EXOC4: variants seen among roughly 807,000 people sequenced by gnomAD.
The protein encoded by EXOC4 is exocyst complex component 4, also known as SEC8-like 1.
A neutral mutation model predicts 107.2 loss-of-function variants in EXOC4; 71 were observed. The ratio of observed to expected loss-of-function variants is 0.66; its 90% CI spans 0.55 to 0.81. The LOEUF (loss-of-function observed/expected upper bound fraction) is 0.81, where lower values mean the gene tolerates loss of function less well. EXOC4 is among the 30% of genes least tolerant of loss of function. The probability of loss-of-function intolerance (pLI) is 0.00; values close to 1 mark genes in which losing one functional copy is unlikely to be tolerated. For synonymous variants in EXOC4, 456 were observed against 441.2 expected, an observed-to-expected ratio of 1.03 and a Z score of -0.42; for missense variants, 1,108 against 1,189.6, an observed-to-expected ratio of 0.93 and a Z score of 1.01.
chr7:134,021,542 T>C (rs1022025152), intron 17 of EXOC4, among the ~76,000 whole-genome samples: 36 of 152,284 alleles, frequency 2.4e-4, no homozygotes, highest in Middle Eastern at 3.4e-3. Flanking sequence ...GGAAAGGTTT[T>C]ATTCAGATCA....
chr7:134,014,247 C>CA (rs1167360227), intron 17 of EXOC4, among the ~76,000 whole-genome samples: 1 of 151,902 alleles, frequency 6.6e-6, no homozygotes, highest in East Asian at 1.9e-4. Context: ...ACTAAAAATA[C>CA]AAAAAAATTA....
chr7:133,417,203 C>A (rs571481989), intron 7 of EXOC4, among the ~76,000 whole-genome samples: 11 of 152,266 alleles, frequency 7.2e-5, no homozygotes, highest in Admixed American at 1.3e-4. Flanking sequence ...TTAAGTAATT[C>A]TTTTAATTCT....
At chr7:133,289,207 C>A in intron 3 of EXOC4, 91 bp downstream of exon 3, 1 of 1,086,620 alleles carries the variant, frequency 9.2e-7, no homozygotes, top group Non-Finnish European at 1.3e-6. Flanking sequence ...GCATGTAGCA[C>A]ATTACAAACT....
chr7:133,553,689 G>A (rs1800634607), intron 9 of EXOC4, among the ~76,000 whole-genome samples: 1 of 151,982 alleles, frequency 6.6e-6, no homozygotes, highest in Admixed American at 6.6e-5. Context: ...TTTCTTTTAT[G>A]GAAATGGAAT....
At chr7:134,006,639 C>T (rs1216489530) in intron 16 of EXOC4, among the ~76,000 whole-genome samples, 1 of 152,076 alleles carries the variant, frequency 6.6e-6, no homozygotes, top group Non-Finnish European at 1.5e-5. Context: ...ATCTAAACCT[C>T]AGAGTCTCGG....
chr7:133,401,439 G>T (rs1352918618), intron 7 of EXOC4, among the ~76,000 whole-genome samples: 2 of 151,782 alleles, frequency 1.3e-5, no homozygotes, highest in African/African-American at 2.4e-5. Context: ...GAGATAGGAG[G>T]ATCATGAGCT....
At chr7:133,850,613 G>A (rs1798220996) in intron 11 of EXOC4, among the ~76,000 whole-genome samples, 1 of 151,180 alleles carries the variant, frequency 6.6e-6, no homozygotes, top group Admixed American at 6.6e-5. Flanking sequence ...GACATGAGAG[G>A]GCTTAAAGGT....
chr7:133,397,942 C>T (rs1797008721), intron 7 of EXOC4, among the ~76,000 whole-genome samples: 1 of 152,092 alleles, frequency 6.6e-6, no homozygotes, highest in African/African-American at 2.4e-5. Flanking sequence ...TGCCTTGCCT[C>T]GGCTATTAAG....
chr7:133,756,055 A>G (rs922995982), intron 10 of EXOC4, among the ~76,000 whole-genome samples: 4 of 152,160 alleles, frequency 2.6e-5, no homozygotes, highest in Non-Finnish European at 4.4e-5. Context: ...CATACCCTCC[A>G]GCTCTTTTCC....
At chr7:133,465,473 T>C (rs913452711) in intron 7 of EXOC4, among the ~76,000 whole-genome samples, 1 of 152,132 alleles carries the variant, frequency 6.6e-6, no homozygotes, top group East Asian at 1.9e-4. Context: ...ATGAATACCC[T>C]TTTTTGATAA....
intron 9 of EXOC4, among the ~76,000 whole-genome samples, chr7:133,490,077 G>T (rs889602758): frequency 2.6e-5 from 4 of 152,144 alleles, no homozygotes; most frequent in Admixed American, 6.6e-5. Context: ...ATGGAATGTG[G>T]TAAGTCCTCC....
At chr7:133,319,285 A>G (rs998947470) in intron 5 of EXOC4, among the ~76,000 whole-genome samples, 2 of 152,188 alleles carry the variant, frequency 1.3e-5, no homozygotes, top group South Asian at 4.1e-4. Context: ...TGCTACATCT[A>G]TTATTCTTAC....
At chr7:133,385,851 T>A (rs1055044393) in intron 7 of EXOC4, among the ~76,000 whole-genome samples, 1 of 152,226 alleles carries the variant, frequency 6.6e-6, no homozygotes, top group Admixed American at 6.5e-5. Flanking sequence ...CGTGATAACT[T>A]TCAACTGATT....
intron 14 of EXOC4, among the ~76,000 whole-genome samples, chr7:133,944,499 C>T (rs1459401321): frequency 6.6e-6 from 1 of 152,160 alleles, no homozygotes; most frequent in Admixed American, 6.5e-5. Context: ...TACATATCAT[C>T]AGTGTAACTG....
intron 10 of EXOC4, among the ~76,000 whole-genome samples, chr7:133,660,680 T>C (rs2151045696): frequency 6.6e-6 from 1 of 152,316 alleles, no homozygotes; most frequent in Non-Finnish European, 1.5e-5. Flanking sequence ...TTTAAAAAAA[T>C]TATTCTTCAC....
chr7:133,904,153 T>C (rs936963548), intron 12 of EXOC4, among the ~76,000 whole-genome samples: 1 of 152,248 alleles, frequency 6.6e-6, no homozygotes, highest in Non-Finnish European at 1.5e-5. Flanking sequence ...GGAAGGTTTT[T>C]TTGTTTTATG....
chr7:133,629,653 G>C (rs187024639), intron 9 of EXOC4, among the ~76,000 whole-genome samples: 7 of 151,722 alleles, frequency 4.6e-5, no homozygotes, highest in African/African-American at 1.7e-4. Flanking sequence ...CAATTCTCCT[G>C]CCTCAACCTC....
chr7:133,612,009 A>G (rs1249024891), intron 9 of EXOC4, among the ~76,000 whole-genome samples: 1 of 152,204 alleles, frequency 6.6e-6, no homozygotes. Context: ...GTATGCAGCA[A>G]GCTGTTTAAT....
intron 9 of EXOC4, among the ~76,000 whole-genome samples, chr7:133,539,351 G>A (rs58093195): frequency 0.019 from 2,826 of 151,792 alleles, 89 homozygotes; most frequent in African/African-American, 0.064. Context: ...AAAAATGGCC[G>A]TCTCTCCTGT....
Sources: allele counts gnomAD v4.1 joint callset (sites outside exome capture counted in the v4.1 genomes callset), GRCh38; gene constraint gnomAD v4.1.1; transcripts MANE v1.5; gene names NCBI Gene and HGNC (gene_info 2026-07-23, HGNC 2026-07-21).